EPHA4: variants seen among roughly 807,000 people sequenced by gnomAD.
The protein encoded by EPHA4 is EPH receptor A4, also known as ephrin type-A receptor 4.
In EPHA4, 19 loss-of-function variants were observed where a neutral mutation model predicts 108.3. That is an observed-to-expected ratio of 0.18 (90% CI 0.12 to 0.26). The LOEUF (loss-of-function observed/expected upper bound fraction) is 0.26, where lower values mean the gene tolerates loss of function less well. Ranked by LOEUF, EPHA4 falls within the 10% of genes least tolerant of loss-of-function variation. The pLI is 1.00. For synonymous variants in EPHA4, 449 were observed against 455.5 expected, an observed-to-expected ratio of 0.99 and a Z score of 0.18; for missense variants, 917 against 1,254.0, an observed-to-expected ratio of 0.73 and a Z score of 4.06.
At chr2:221,498,774 T>G (rs1482088447) in intron 4 of EPHA4, among the ~76,000 whole-genome samples, 1 of 148,612 alleles carries the variant, frequency 6.7e-6, no homozygotes, top group African/African-American at 2.5e-5. Context: ...GCACCAGTCC[T>G]GGCTATTTTT....
intron 3 of EPHA4, among the ~76,000 whole-genome samples, chr2:221,548,081 G>C (rs1655469003): frequency 6.6e-6 from 1 of 152,162 alleles, no homozygotes; most frequent in South Asian, 2.1e-4. Context: ...GTGGGGCCTG[G>C]TGGGAGGTGA....
At chr2:221,493,867 T>C (rs1314740647) in intron 4 of EPHA4, among the ~76,000 whole-genome samples, 1 of 152,230 alleles carries the variant, frequency 6.6e-6, no homozygotes, top group African/African-American at 2.4e-5. Context: ...TCATAGATCT[T>C]AGGAAATCTG....
chr2:221,467,307 G>A (rs1019012744), intron 5 of EPHA4, among the ~76,000 whole-genome samples: 2 of 152,032 alleles, frequency 1.3e-5, no homozygotes, highest in African/African-American at 4.8e-5. Context: ...CTATACATTC[G>A]AATCTTGCCC....
In EPHA4 at chr2:221,426,502, AC is replaced by A; in HGVS notation, c.2807del (p.Gly936ValfsTer5). 1 of 1,613,872 alleles carries A rather than the reference AC, an allele frequency of 6.2e-7. No individual in the cohort carries two copies. The highest frequency in any genetic ancestry group is 8.5e-7 in the Non-Finnish European group (1 of 1,179,966). On this transcript the variant is annotated frameshift_variant, in exon 16 of 18. Coordinates refer to ENST00000281821, the MANE Select transcript of EPHA4 (RefSeq NM_004438.5). LOFTEE classifies it high-confidence loss of function. ...DRYKDNFTAA[G>X]YTTLEAVVHV... ...GCACCACAGCCTCTAGTGTGGTATAACCAGCAGCTGTGAAGTTATCCTTATA... is the reference window on the plus strand; with the variant it reads ...GCACCACAGCCTCTAGTGTGGTATAACAGCAGCTGTGAAGTTATCCTTATA...
chr2:221,533,140 C>T (rs534042458), intron 3 of EPHA4: 2 of 152,300 alleles, frequency 1.3e-5, no homozygotes, highest in South Asian at 2.1e-4. Context: ...CTGAGCCATA[C>T]ATATGGCCTT....
At chr2:221,553,441 A>C (rs1694218891) in intron 3 of EPHA4, among the ~76,000 whole-genome samples, 1 of 152,214 alleles carries the variant, frequency 6.6e-6, no homozygotes, top group Non-Finnish European at 1.5e-5. Context: ...CTGAGTCTTA[A>C]CTGATCATGA....
Position 221,566,949 on chromosome 2 carries a change from G to GA in EPHA4, c.159+1768_159+1769insT, listed in dbSNP as rs1209269708. Among the ~76,000 whole-genome samples, 29 of 80,130 alleles carry GA rather than the reference G, an allele frequency of 3.6e-4. 10 individuals carry two copies. The highest frequency in any genetic ancestry group is 2.1e-3 in the African/African-American group (29 of 14,134). The allele number at this position is 80,130 out of a possible 152,430, so 52.6% of individuals were successfully genotyped here. ...AGGAGAAGGAGAAGGAGAAGGAGAA[G>GA]GAGAAGGGGAAGAGGAAGAGGAAGA... On this transcript the variant is annotated intron_variant, in intron 2 of 17. Coordinates refer to ENST00000281821, the MANE Select transcript of EPHA4 (RefSeq NM_004438.5).
chr2:221,478,274 A>G (rs1250445912), intron 5 of EPHA4, among the ~76,000 whole-genome samples: 2 of 152,142 alleles, frequency 1.3e-5, no homozygotes, highest in African/African-American at 4.8e-5. Context: ...TGTTTCATTT[A>G]TACAGTATTT....
At chr2:221,513,309 C>G (rs566412652) in intron 3 of EPHA4, among the ~76,000 whole-genome samples, 23 of 152,136 alleles carry the variant, frequency 1.5e-4, no homozygotes, top group Non-Finnish European at 2.5e-4. Flanking sequence ...GGCCTGGGAA[C>G]GAATGAAATA....
chr2:221,423,709 T>C (rs1689817386), intron 17 of EPHA4, among the ~76,000 whole-genome samples: 1 of 152,170 alleles, frequency 6.6e-6, no homozygotes, highest in Non-Finnish European at 1.5e-5. Context: ...ATGGTCTGCT[T>C]TTAATATGTT....
chr2:221,566,276 CA>C lies in EPHA4; in HGVS notation c.160-1883del, dbSNP rs749014670. Among the ~76,000 whole-genome samples, 10 of 151,096 alleles carry C rather than the reference CA, an allele frequency of 6.6e-5. No individual in the cohort carries two copies. In the East Asian group the frequency reaches 1.6e-3, roughly 24 times the overall value. ...AACAACAAGAAATAAATGTCATTAT[CA>C]GACCAAATTACTATCTCAAGTTAAC... On this transcript the variant is annotated intron_variant, in intron 2 of 17. Coordinates refer to ENST00000281821, the MANE Select transcript of EPHA4 (RefSeq NM_004438.5).
chr2:221,472,691 G>A (rs1414892961), intron 5 of EPHA4, among the ~76,000 whole-genome samples: 1 of 152,152 alleles, frequency 6.6e-6, no homozygotes, highest in African/African-American at 2.4e-5. Flanking sequence ...ATGGACCATA[G>A]TTCTTTATCT....
intron 12 of EPHA4, among the ~76,000 whole-genome samples, chr2:221,436,839 G>A (rs532194738): frequency 2.0e-5 from 3 of 152,154 alleles, no homozygotes; most frequent in South Asian, 4.2e-4. Context: ...ATGAATCTAC[G>A]GCTCCAACAG....
At chr2:221,520,886 T>C (rs1435541479) in intron 3 of EPHA4, among the ~76,000 whole-genome samples, 6 of 152,206 alleles carry the variant, frequency 3.9e-5, no homozygotes, top group Admixed American at 3.3e-4. Context: ...AGAAAAAGTA[T>C]AGAATGACAA....
At chr2:221,570,338 G>T (rs1694792803) in intron 1 of EPHA4, among the ~76,000 whole-genome samples, 1 of 151,942 alleles carries the variant, frequency 6.6e-6, no homozygotes, top group Admixed American at 6.6e-5. Context: ...AAAAAAGAGG[G>T]GGTTTAAAAA....
At chr2:221,553,582 A>G (rs537795073) in intron 3 of EPHA4, among the ~76,000 whole-genome samples, 1 of 152,364 alleles carries the variant, frequency 6.6e-6, no homozygotes, top group South Asian at 2.1e-4. Flanking sequence ...AATGTCAAAC[A>G]GCAGGGAAGC....
chr2:221,444,357 G>C (rs1690521085), intron 9 of EPHA4, among the ~76,000 whole-genome samples: 1 of 152,192 alleles, frequency 6.6e-6, no homozygotes, highest in Non-Finnish European at 1.5e-5. Context: ...CCAAGAGGCA[G>C]AAGTCATTGT....
intron 3 of EPHA4, among the ~76,000 whole-genome samples, chr2:221,542,508 A>G (rs1004713668): frequency 1.3e-5 from 2 of 152,240 alleles, no homozygotes; most frequent in African/African-American, 4.8e-5. Context: ...GAAATATTTT[A>G]AAGTCCATAC....
At chr2:221,491,406 A>G (rs1692140761) in intron 4 of EPHA4, among the ~76,000 whole-genome samples, 1 of 152,336 alleles carries the variant, frequency 6.6e-6, no homozygotes, top group East Asian at 1.9e-4. Flanking sequence ...ATCGCCAAAA[A>G]CTAAGATAAG....
Sources: allele counts gnomAD v4.1 joint callset (sites outside exome capture counted in the v4.1 genomes callset), GRCh38; gene constraint gnomAD v4.1.1; transcripts MANE v1.5; gene names NCBI Gene and HGNC (gene_info 2026-07-23, HGNC 2026-07-21).